RNF216: variants seen among roughly 807,000 people sequenced by gnomAD.
The protein encoded by RNF216 is ring finger protein 216.
A neutral mutation model predicts 110.8 loss-of-function variants in RNF216; 72 were observed. That is an observed-to-expected ratio of 0.65 (90% CI 0.54 to 0.79). The LOEUF is 0.79. RNF216 is among the 30% of genes least tolerant of loss of function. The probability of loss-of-function intolerance (pLI) is 0.00; values close to 1 mark genes in which losing one functional copy is unlikely to be tolerated. For missense variants in RNF216, 1,342 were observed against 1,141.2 expected (o/e 1.18, Z -2.54); for synonymous variants, 495 against 407.5 (o/e 1.21, Z -2.59).
At chr7:5,683,729 C>T (rs930557093) in intron 13 of RNF216, among the ~76,000 whole-genome samples, 22 of 152,210 alleles carry the variant, frequency 1.4e-4, no homozygotes, top group African/African-American at 5.1e-4. Context: ...GGAATTACAA[C>T]TGTTTTTAAA....
At chr7:5,751,872 T>C (rs1795347880) in intron 3 of RNF216, among the ~76,000 whole-genome samples, 1 of 136,916 alleles carries the variant, frequency 7.3e-6, no homozygotes, top group African/African-American at 2.7e-5. Context: ...AGATTTGTAG[T>C]TTAAAAAAAA....
intron 13 of RNF216, among the ~76,000 whole-genome samples, chr7:5,687,925 C>T (rs1283960481): frequency 2.6e-5 from 4 of 152,206 alleles, no homozygotes; most frequent in East Asian, 3.8e-4. Flanking sequence ...TTATGTAGGT[C>T]GTGTCCAGAA....
At chr7:5,768,346 T>TACACACACCCACACACACACAC in intron 1 of RNF216, among the ~76,000 whole-genome samples, 1 of 71,886 alleles carries the variant, frequency 1.4e-5, no homozygotes, top group Admixed American at 2.0e-4. Flanking sequence ...GGCAGGCAAA[T>TACACACACCCACACACACACAC]ACACACACAC....
chr7:5,738,344 G>T (rs1009315752), intron 5 of RNF216, among the ~76,000 whole-genome samples: 3 of 151,950 alleles, frequency 2.0e-5, no homozygotes, highest in African/African-American at 7.3e-5. Context: ...TCTTGCCTCA[G>T]CCTCCCAAAG....
intron 3 of RNF216, among the ~76,000 whole-genome samples, chr7:5,745,495 A>G (rs985987863): frequency 6.6e-6 from 1 of 152,244 alleles, no homozygotes; most frequent in Non-Finnish European, 1.5e-5. Flanking sequence ...ACGTGAAAGA[A>G]GCATAAAAAT....
At chr7:5,667,818 C>A (rs1002999823) in intron 13 of RNF216, among the ~76,000 whole-genome samples, 6 of 152,194 alleles carry the variant, frequency 3.9e-5, no homozygotes, top group Non-Finnish European at 8.8e-5. Context: ...TGACACTCCT[C>A]CTCATGCCCA....
At chr7:5,648,727 CAA>C (rs10684747) in intron 14 of RNF216, among the ~76,000 whole-genome samples, 17 of 89,896 alleles carry the variant, frequency 1.9e-4, no homozygotes, top group Admixed American at 2.5e-4. Flanking sequence ...GACTCTGTCT[CAA>C]AAAAAAAAAA....
intron 1 of RNF216, among the ~76,000 whole-genome samples, chr7:5,767,167 G>C (rs984594928): frequency 6.6e-6 from 1 of 152,104 alleles, no homozygotes; most frequent in Non-Finnish European, 1.5e-5. Flanking sequence ...CTACAGAAAG[G>C]ACGAATATAT....
At chr7:5,726,049 G>A (rs1334711372) in intron 7 of RNF216, among the ~76,000 whole-genome samples, 10 of 152,100 alleles carry the variant, frequency 6.6e-5, no homozygotes, top group Admixed American at 1.3e-4. Flanking sequence ...GGATGACGGG[G>A]GTGGATCACT....
rs189649142 is a variant in RNF216, at chr7:5,721,707, G to A, written c.1505-535C>T. Among the ~76,000 whole-genome samples, 43 of 152,232 alleles carry A rather than the reference G, an allele frequency of 2.8e-4. No individual in the cohort carries two copies. The East Asian group carries it at 5.8e-3, about 20-fold the overall frequency. On this transcript the variant is annotated intron_variant, in intron 8 of 16. Coordinates refer to ENST00000389902, the MANE Select transcript of RNF216 (RefSeq NM_207111.4). ...CATGTCCTTACCAACACCTATCATC[G>A]GTTTTTAATTTTAGCCATTCTGGTG...
chr7:5,641,029 G>T, intron 15 of RNF216, 125 bp downstream of exon 15: 1 of 742,620 alleles, frequency 1.3e-6, no homozygotes, highest in Non-Finnish European at 2.2e-6. Context: ...TTGGTTATCA[G>T]TCTATGTAAT....
At chr7:5,651,059 T>C (rs710939) in intron 14 of RNF216, among the ~76,000 whole-genome samples, 2,883 of 152,368 alleles carry the variant, frequency 0.019, 39 homozygotes, top group South Asian at 0.05. Context: ...GTGAGATATA[T>C]GTATATAATT....
intron 15 of RNF216, among the ~76,000 whole-genome samples, chr7:5,636,620 C>T (rs1787411761): frequency 6.6e-6 from 1 of 152,160 alleles, no homozygotes; most frequent in Non-Finnish European, 1.5e-5. Flanking sequence ...TTCTCAGAAG[C>T]CCCAACAGAT....
At chr7:5,668,747 G>T (rs1377853410) in intron 13 of RNF216, among the ~76,000 whole-genome samples, 1 of 152,230 alleles carries the variant, frequency 6.6e-6, no homozygotes, top group East Asian at 1.9e-4. Flanking sequence ...AACGCTGTTA[G>T]GAAGTAGCCG....
At chr7:5,760,458 G>C (rs1795872797) in intron 2 of RNF216, 1 of 386,682 alleles carries the variant, frequency 2.6e-6, no homozygotes, top group African/African-American at 2.1e-5. Context: ...GGAGCTCGTG[G>C]TGAGTCGAGA....
At chr7:5,658,933 C>T (rs888537113) in intron 13 of RNF216, among the ~76,000 whole-genome samples, 8 of 152,050 alleles carry the variant, frequency 5.3e-5, no homozygotes, top group African/African-American at 1.2e-4. Flanking sequence ...AGCAATGTGT[C>T]GGAGTTATGT....
At chr7:5,668,221 G>C (rs1187232062) in intron 13 of RNF216, among the ~76,000 whole-genome samples, 2 of 151,050 alleles carry the variant, frequency 1.3e-5, no homozygotes, top group African/African-American at 4.9e-5. Flanking sequence ...ATAGCAAAGC[G>C]GACTTTTTTT....
chr7:5,740,917 AAG>A lies in RNF216; in HGVS notation c.1044+54_1044+55del, dbSNP rs1365948549. 5.8e-5 allele frequency: 87 copies of A among 1,493,948 alleles called. No individual in the cohort carries two copies. The African/African-American group carries it at 1.1e-3, about 19-fold the overall frequency. The allele number at this position is 1,493,948 out of a possible 1,614,324, so 92.5% of individuals were successfully genotyped here. Reference sequence around the variant, plus strand: ...TTTTTTTTTGCAATGAAAAAAAAAAAAGAAAAAAACTCAGTATATGTAGTGTC... The same window carrying A: ...TTTTTTTTTGCAATGAAAAAAAAAAAAAAAAAACTCAGTATATGTAGTGTC... On this transcript the variant is annotated intron_variant, in intron 4 of 16. Coordinates refer to ENST00000389902, the MANE Select transcript of RNF216 (RefSeq NM_207111.4).
At chr7:5,716,645 C>T in intron 10 of RNF216, 71 bp downstream of exon 10, 1 of 1,281,890 alleles carries the variant, frequency 7.8e-7, no homozygotes, top group Non-Finnish European at 1.1e-6. Context: ...ATCAAAAATG[C>T]TGACAAAACA....
Sources: allele counts gnomAD v4.1 joint callset (sites outside exome capture counted in the v4.1 genomes callset), GRCh38; gene constraint gnomAD v4.1.1; transcripts MANE v1.5; gene names NCBI Gene and HGNC (gene_info 2026-07-23, HGNC 2026-07-21).